The following MYO6 variants were observed in gnomAD, a reference collection of about 807,000 sequenced individuals.
MYO6 encodes the protein myosin VI.
In MYO6, 74 loss-of-function variants were observed where a neutral mutation model predicts 178.7. The observed-to-expected ratio is 0.41, with a 90% CI of 0.34 to 0.50. MYO6 has a LOEUF of 0.50. Among genes scored for constraint, MYO6 ranks in the 20% least tolerant of loss-of-function variants. The pLI is 0.09. For missense variants in MYO6, 1,330 were observed against 1,547.4 expected, an observed-to-expected ratio of 0.86 and a Z score of 2.36; for synonymous variants, 477 against 504.6, an observed-to-expected ratio of 0.95 and a Z score of 0.73.
chr6:75,889,731 G>T (rs1461082186), intron 25 of MYO6, among the ~76,000 whole-genome samples: 1 of 152,070 alleles, frequency 6.6e-6, no homozygotes, highest in Admixed American at 6.6e-5. Context: ...ATTTTTAACT[G>T]CAGTATATTA....
At chr6:75,909,705 A>C (rs921782316) in intron 32 of MYO6, among the ~76,000 whole-genome samples, 2 of 152,214 alleles carry the variant, frequency 1.3e-5, no homozygotes, top group African/African-American at 2.4e-5. Context: ...TTATTCGCTT[A>C]ATTCTGGTTA....
In MYO6 at chr6:75,880,211, T is replaced by TA. The variant is rs1189148773; in HGVS notation, c.2286+92dup. ...TCTTAAAGTATTTAATAATTTGTAT[T>TA]ATTCTTGAATTATATGGTCACTAAC... is the stretch of plus-strand genomic sequence containing the variant. On this transcript the variant is annotated intron_variant, in intron 22 of 34. Transcript: ENST00000369977. 3.1e-6 allele frequency: 3 copies of TA among 976,280 alleles called. No homozygotes were observed. In the African/African-American group the frequency reaches 4.9e-5, roughly 16 times the overall value. The allele number at this position is 976,280 out of a possible 1,614,324, so 60.5% of individuals were successfully genotyped here. A position where few individuals can be genotyped will look rare whatever the true frequency, so the allele number is the denominator to read the frequency against.
At position 75,881,819 on chromosome 6, in the gene MYO6, G is replaced by A; in HGVS notation, c.2416+1G>A. ...TGGTGCTCACTCTCAGTCATCAAAT[G>A]TAGGTGTTTTCCTTTACACCTATAG... On this transcript the variant is annotated splice_donor_variant, in intron 23 of 34. Transcript: ENST00000369977. LOFTEE classifies it high-confidence loss of function. The A allele has an allele frequency of 6.2e-7, 1 of 1,613,482 alleles. No homozygotes were observed. The highest frequency in any genetic ancestry group is 8.5e-7 in the Non-Finnish European group (1 of 1,179,536).
intron 19 of MYO6, among the ~76,000 whole-genome samples, chr6:75,871,802 A>G (rs1450899307): frequency 6.6e-6 from 1 of 151,744 alleles, no homozygotes; most frequent in Non-Finnish European, 1.5e-5. Flanking sequence ...TGATTTATAG[A>G]AAAAAAAGCA....
chr6:75,881,605 A>G, intron 22 of MYO6, 84 bp from the exon 23 acceptor site: 1 of 1,391,924 alleles, frequency 7.2e-7, no homozygotes, highest in Admixed American at 1.7e-5. Context: ...TAGATTTTGG[A>G]TTTGAATTCT....
At position 75,916,985 on chromosome 6, in the gene MYO6, A is replaced by G. The variant is rs1253219208; in HGVS notation, c.*1973A>G. On this transcript the variant is annotated 3_prime_UTR_variant, in exon 35 of 35. Transcript: ENST00000369977. Reference sequence around the variant, plus strand: ...CTGTCCTAGAACTTATCTATTTAAAATAGTTTCCTGAGTTAATTTTGGCCA... The same window carrying G: ...CTGTCCTAGAACTTATCTATTTAAAGTAGTTTCCTGAGTTAATTTTGGCCA... The G allele has an allele frequency of 6.6e-6, 1 of 152,242 alleles. No homozygotes were observed. The highest frequency in any genetic ancestry group is 1.5e-5 in the Non-Finnish European group (1 of 68,050). 9.4% of individuals were successfully genotyped at this position (152,242 alleles called of 1,614,324 possible).
At chr6:75,879,264 G>GTTTTC (rs965242845) in intron 20 of MYO6, among the ~76,000 whole-genome samples, 1 of 151,970 alleles carries the variant, frequency 6.6e-6, no homozygotes, top group Admixed American at 6.6e-5. Flanking sequence ...GTTTTGTTTT[G>GTTTTC]ATACAGTGTC....
At chr6:75,892,251 G>A (rs916630176) in intron 27 of MYO6, among the ~76,000 whole-genome samples, 3 of 152,184 alleles carry the variant, frequency 2.0e-5, no homozygotes, top group Non-Finnish European at 4.4e-5. Flanking sequence ...AGATACTCAT[G>A]TGATGTTTGG....
rs780471577 is a variant in MYO6, at chr6:75,841,205, G to GT, written c.652-3dup. On this transcript the variant is annotated splice_polypyrimidine_tract_variant and intron_variant, in intron 8 of 34. Coordinates refer to ENST00000369977, the MANE Select transcript of MYO6 (RefSeq NM_004999.4). ...CAAAAATATATTTTCTCTGTGTTTT[G>GT]TTTTTTAGAGCTCAGTTGTTGGAGG... The GT allele has an allele frequency of 5.0e-6, 8 of 1,612,330 alleles. No homozygotes were observed. Among genetic ancestry groups the GT allele is most frequent in the African/African-American group, 1.3e-5 (1 of 74,962 alleles).
At chr6:75,909,091 T>A (rs1390050515) in intron 32 of MYO6, among the ~76,000 whole-genome samples, 1 of 152,208 alleles carries the variant, frequency 6.6e-6, no homozygotes, top group Admixed American at 6.5e-5. Flanking sequence ...GGTCTTGCCA[T>A]TTTATCCAGG....
intron 3 of MYO6, among the ~76,000 whole-genome samples, chr6:75,825,102 T>A (rs547597468): frequency 6.6e-6 from 1 of 152,248 alleles, no homozygotes; most frequent in African/African-American, 2.4e-5. Context: ...ATGTAGAAAT[T>A]AGTATGTTAA....
At chr6:75,866,773 C>T in intron 17 of MYO6, 152 bp downstream of exon 17, 1 of 1,048,402 alleles carries the variant, frequency 9.5e-7, no homozygotes, top group Non-Finnish European at 1.5e-6. Flanking sequence ...ACTAGCCACA[C>T]TTCAGGTGCC....
intron 4 of MYO6, 139 bp downstream of exon 4, chr6:75,828,752 A>G: frequency 1.5e-6 from 1 of 654,752 alleles, no homozygotes; most frequent in Non-Finnish European, 2.8e-6. Context: ...GAGGTTAGTG[A>G]GGACAAAGAT....
At chr6:75,837,554 T>C (rs1159217114) in intron 7 of MYO6, among the ~76,000 whole-genome samples, 1 of 152,190 alleles carries the variant, frequency 6.6e-6, no homozygotes, top group Non-Finnish European at 1.5e-5. Flanking sequence ...AAATGTTGGT[T>C]GAACAAAAAC....
chr6:75,765,472 T>G (rs1188289242), intron 1 of MYO6, among the ~76,000 whole-genome samples: 1 of 152,116 alleles, frequency 6.6e-6, no homozygotes, highest in East Asian at 1.9e-4. Flanking sequence ...CCACTGCATC[T>G]GGCCAAAAAT....
At position 75,905,035 on chromosome 6, in the gene MYO6, C is replaced by CTTAGGGG. The variant is rs1306847590; in HGVS notation, c.3177-2568_3177-2562dup. On this transcript the variant is annotated intron_variant, in intron 30 of 34. Transcript: ENST00000369977. ...CTGGGGGTGCCTCCCAGTTAGGCTGCTTAGGGGTCAGGGGTCAGGGGCCCA... is the reference window on the plus strand; with the variant it reads ...CTGGGGGTGCCTCCCAGTTAGGCTGCTTAGGGGTTAGGGGTCAGGGGTCAGGGGCCCA... 5.5e-4 allele frequency among the ~76,000 whole-genome samples: 84 copies of CTTAGGGG among 152,270 alleles called. No homozygotes were observed. The East Asian group carries it at 0.015, about 27-fold the overall frequency.
chr6:75,839,378 C>T (rs1268864579), intron 7 of MYO6, among the ~76,000 whole-genome samples: 5 of 151,866 alleles, frequency 3.3e-5, no homozygotes, highest in Admixed American at 6.6e-5. Context: ...TTAGTAGAGA[C>T]GGGGTTTCAA....
chr6:75,918,799 A>G lies in MYO6; in HGVS notation c.*3787A>G, dbSNP rs1016216288. ...AAATTAATGCACATTCAAAAGGAGA[A>G]TCTTCAGTACAAATTTGTTTTTTTA... is the stretch of plus-strand genomic sequence containing the variant. On this transcript the variant is annotated 3_prime_UTR_variant, in exon 35 of 35. Coordinates refer to ENST00000369977, the MANE Select transcript of MYO6 (RefSeq NM_004999.4). 1 of 152,232 alleles carries G rather than the reference A, an allele frequency of 6.6e-6. No individual in the cohort carries two copies. Among genetic ancestry groups the G allele is most frequent in the Non-Finnish European group, 1.5e-5 (1 of 68,042 alleles). 9.4% of individuals were successfully genotyped at this position (152,232 alleles called of 1,614,324 possible). A position where few individuals can be genotyped will look rare whatever the true frequency, so the allele number is the denominator to read the frequency against.
chr6:75,784,776 CAAAA>C (rs754218278), intron 1 of MYO6, among the ~76,000 whole-genome samples: 1 of 54,408 alleles, frequency 1.8e-5, no homozygotes, highest in African/African-American at 6.5e-5. Context: ...GACTCCGTCT[CAAAA>C]AAAAAAAAAA....
Sources: gnomAD v4.1 joint callset for allele counts (sites outside exome capture counted in the v4.1 genomes callset) on GRCh38, gnomAD v4.1.1 for gene constraint, MANE v1.5 for transcripts, NCBI Gene and HGNC (gene_info 2026-07-23, HGNC 2026-07-21) for gene names.